Variants in TSPOAP1 observed in about 807,000 individuals in gnomAD.
TSPOAP1 encodes the protein peripheral-type benzodiazepine receptor-associated protein 1.
TSPOAP1 carries 87 observed loss-of-function variants against 197.0 expected under a neutral mutation model. The observed-to-expected ratio is 0.44, with a 90% CI of 0.37 to 0.53. The LOEUF (loss-of-function observed/expected upper bound fraction) is 0.53. Ranked by LOEUF, TSPOAP1 falls within the 20% of genes least tolerant of loss-of-function variation. The pLI, the probability that TSPOAP1 is intolerant of heterozygous loss-of-function variation, is 0.00. For synonymous variants in TSPOAP1, 913 were observed against 998.9 expected (o/e 0.91, Z 1.62); for missense variants, 2,174 against 2,411.3 (o/e 0.90, Z 2.06).
intron 14 of TSPOAP1, 59 bp from the exon 15 acceptor site, chr17:58,316,599 G>A (rs1971244310): frequency 7.0e-7 from 1 of 1,427,912 alleles, no homozygotes; most frequent in African/African-American, 1.4e-5. Flanking sequence ...GCGCCAAGCA[G>A]GCAGGTTTCC....
Position 58,324,904 on chromosome 17 carries a change from G to T in TSPOAP1, c.849C>A (p.Asn283Lys), listed in dbSNP as rs775678168. The change falls in exon 5 of 32, where the codon AAC (asparagine) becomes AAA (lysine). Residue 283 changes from asparagine (N) to lysine (K), a missense_variant. By Grantham distance (94) the Asn-to-Lys change is moderately conservative. Coordinates refer to ENST00000343736, the MANE Select transcript of TSPOAP1 (RefSeq NM_004758.4). The surrounding 1 kb of genome is among the most constrained non-coding windows in gnomAD (Gnocchi z 5.8). ...LRLQRQIALR[N>K]QRETLPLPPS... is the part of the protein sequence containing the mutation. ...GCGGGAGCGGGAGCGTCTCCCGCTGGTTGCGCAGCGCGATCTGCCTCTGCA... is the reference window on the plus strand; with the variant it reads ...GCGGGAGCGGGAGCGTCTCCCGCTGTTTGCGCAGCGCGATCTGCCTCTGCA... 6.5e-7 allele frequency: 1 copy of T among 1,535,584 alleles called. No individual in the cohort carries two copies. Among genetic ancestry groups the T allele is most frequent in the South Asian group, 1.2e-5 (1 of 83,852 alleles).
In TSPOAP1 at chr17:58,310,088, A is replaced by T. The variant is rs1353169410; in HGVS notation, c.3770T>A (p.Leu1257Gln). 2 of 1,613,258 alleles carry T rather than the reference A, an allele frequency of 1.2e-6. No individual in the cohort carries two copies. Among genetic ancestry groups the T allele is most frequent in the African/African-American group, 2.7e-5 (2 of 74,888 alleles). Residue 1257 changes from leucine to glutamine, a missense_variant, in exon 21 of 32, where the codon CTG (leucine) becomes CAG (glutamine). By Grantham distance (113) the Leu-to-Gln change is moderately radical. This residue lies in a region of TSPOAP1 where 1,933 missense variants were observed against 2,139.0 expected (regional missense o/e 0.90). Transcript: ENST00000343736. The part of the protein sequence containing the change: ...SLVDHGRNSD[L>Q]SDIQEEEEEE... Reference sequence around the variant, plus strand: ...TTCCTCTTCCTCCTGGATGTCTGACAGGTCTGAGTTGCGGCCGTGGTCCAC... The same window carrying T: ...TTCCTCTTCCTCCTGGATGTCTGACTGGTCTGAGTTGCGGCCGTGGTCCAC...
intron 16 of TSPOAP1, among the ~76,000 whole-genome samples, chr17:58,315,808 C>T (rs1971208092): frequency 6.6e-6 from 1 of 152,098 alleles, no homozygotes; most frequent in Non-Finnish European, 1.5e-5. Flanking sequence ...CCTTCTTTCT[C>T]TTTCCCCAGT....
In TSPOAP1 at chr17:58,311,577, C is replaced by T. The variant is rs774788577; in HGVS notation, c.3075G>A (p.Gly1025=). 13 of 1,576,460 alleles carry T rather than the reference C, an allele frequency of 8.2e-6. No homozygotes were observed. The highest frequency in any genetic ancestry group is 1.1e-5 in the Non-Finnish European group (13 of 1,157,238). Residue 1025 remains glycine (G), a synonymous_variant, in exon 18 of 32, where the codon GGG becomes GGA. Coordinates refer to ENST00000343736, the MANE Select transcript of TSPOAP1 (RefSeq NM_004758.4). ...RVTGYAIYAD[G]QKIMEVASPT... ...ACAGTGGGCAGGGCTATACCTTCTG[C>T]CCATCAGCGTAGATGGCATAGCCTG...
At chr17:58,305,925 T>A (rs1359925736) in intron 26 of TSPOAP1, 60 bp from the exon 27 acceptor site, 2 of 1,343,374 alleles carry the variant, frequency 1.5e-6, no homozygotes, top group Admixed American at 1.9e-5. Context: ...CTGCAGGTGC[T>A]GCAGCGCAGG....
rs1970744229 is a variant in TSPOAP1, at chr17:58,302,396, T to C, written c.*84A>G. 7.8e-7 allele frequency: 1 copy of C among 1,286,498 alleles called. No homozygotes were observed. The highest frequency in any genetic ancestry group is 1.0e-6 in the Non-Finnish European group (1 of 987,634). The allele number at this position is 1,286,498 out of a possible 1,614,324, so 79.7% of individuals were successfully genotyped here. ...CTGGGGGCGCTGCCAGAGCTGGGGG[T>C]ACAAGGCCCACCTGGGGGCCCTGGG... On this transcript the variant is annotated 3_prime_UTR_variant, in exon 32 of 32. Transcript: ENST00000343736.
intron 16 of TSPOAP1, among the ~76,000 whole-genome samples, chr17:58,314,600 G>A (rs889034947): frequency 6.6e-6 from 1 of 152,252 alleles, no homozygotes; most frequent in Admixed American, 6.5e-5. Context: ...GAGCCCCCAA[G>A]GGGATGCAGT....
At position 58,305,814 on chromosome 17, in the gene TSPOAP1, C is replaced by T. The variant is rs1970867101; in HGVS notation, c.5257+19G>A. 2 of 1,612,662 alleles carry T rather than the reference C, an allele frequency of 1.2e-6. No homozygotes were observed. The highest frequency in any genetic ancestry group is 2.2e-5 in the East Asian group (1 of 44,852). On this transcript the variant is annotated intron_variant, in intron 27 of 31. Transcript: ENST00000343736. Reference sequence around the variant, plus strand: ...CTATCTCCTTCCCCAGCCTCCCGGGCCCAGGGATATTCCTTCACCTGGACA... The same window carrying T: ...CTATCTCCTTCCCCAGCCTCCCGGGTCCAGGGATATTCCTTCACCTGGACA...
chr17:58,309,704 C>G lies in TSPOAP1; in HGVS notation c.3891+263G>C, dbSNP rs1247915259. On this transcript the variant is annotated intron_variant, in intron 21 of 31. Coordinates refer to ENST00000343736, the MANE Select transcript of TSPOAP1 (RefSeq NM_004758.4). This position sits in a 1 kb window ranked among gnomAD's most constrained non-coding sequence, Gnocchi z 5.0. ...ACCAGCACAAGGATCTTAGGTGGCA[C>G]CGGCCTCCCCTGGCCAGGGCGCTGT... Among the ~76,000 whole-genome samples, 1 of 152,194 alleles carries G rather than the reference C, an allele frequency of 6.6e-6. No homozygotes were observed. Among genetic ancestry groups the G allele is most frequent in the African/African-American group, 2.4e-5 (1 of 41,446 alleles).
At position 58,326,322 on chromosome 17, in the gene TSPOAP1, G is replaced by A; in HGVS notation, c.541C>T (p.Arg181Ter). The A allele has an allele frequency of 1.2e-6, 2 of 1,614,044 alleles. No homozygotes were observed. Among genetic ancestry groups the A allele is most frequent in the Non-Finnish European group, 1.7e-6 (2 of 1,180,012 alleles). The change falls in exon 3 of 32, where the codon CGA becomes TGA. Residue 181 changes from arginine (R) to a stop codon, truncating the protein, a stop_gained. Coordinates refer to ENST00000343736, the MANE Select transcript of TSPOAP1 (RefSeq NM_004758.4). LOFTEE classifies it high-confidence loss of function. The surrounding 1 kb of genome is among the most constrained non-coding windows in gnomAD (Gnocchi z 4.7). ...VIAKRLEERA[R>*]KLQETNLRVV... ...CTCAGGTTCGTTTCCTGCAGCTTTCGGGCCCTCTCCTCCAGGCGCTTGGCA... is the reference window on the plus strand; with the variant it reads ...CTCAGGTTCGTTTCCTGCAGCTTTCAGGCCCTCTCCTCCAGGCGCTTGGCA...
At position 58,308,534 on chromosome 17, in the gene TSPOAP1, C is replaced by T. The variant is rs756363885; in HGVS notation, c.4731+7G>A. 2 of 1,515,324 alleles carry T rather than the reference C, an allele frequency of 1.3e-6. No homozygotes were observed. The highest frequency in any genetic ancestry group is 2.3e-5 in the East Asian group (1 of 43,514). 93.9% of individuals were successfully genotyped at this position (1,515,324 alleles called of 1,614,324 possible). A position where few individuals can be genotyped will look rare whatever the true frequency, so the allele number is the denominator to read the frequency against. Reference sequence around the variant, plus strand: ...GGGGCTGCCCAGGGCGGGGAGTGAGCACGGACCCGGGAGAGTGGCTCCTTG... The same window carrying T: ...GGGGCTGCCCAGGGCGGGGAGTGAGTACGGACCCGGGAGAGTGGCTCCTTG... On this transcript the variant is annotated splice_region_variant and intron_variant, in intron 22 of 31. Transcript: ENST00000343736.
Position 58,318,430 on chromosome 17 carries a change from G to A in TSPOAP1, c.1722C>T (p.Ser574=). Residue 574 remains serine (S), a synonymous_variant, in exon 14 of 32, where the codon TCC becomes TCT. Transcript: ENST00000343736. ...GPKDLDLPPG[S]PGRCTPKSSE... is the part of the protein sequence containing the mutation. ...AAGACTTTGGGGTGCAGCGCCCAGG[G>A]GAGCCCGGCGGGAGGTCAAGGTCTA... 6.2e-7 allele frequency: 1 copy of A among 1,613,588 alleles called. No individual in the cohort carries two copies. The highest frequency in any genetic ancestry group is 1.3e-5 in the African/African-American group (1 of 75,024).
In TSPOAP1 at chr17:58,324,605, C is replaced by A. The variant is rs1971514192; in HGVS notation, c.942+206G>T. ...CCTATGGAGGGCGGAACCCTGGAGC[C>A]CCCAGGGGAGGGCACGGCGCAGGTA... On this transcript the variant is annotated intron_variant, in intron 5 of 31. Transcript: ENST00000343736. The surrounding 1 kb of genome is among the most constrained non-coding windows in gnomAD (Gnocchi z 5.8). 6.6e-6 allele frequency among the ~76,000 whole-genome samples: 1 copy of A among 152,042 alleles called. No homozygotes were observed. Among genetic ancestry groups the A allele is most frequent in the Admixed American group, 6.5e-5 (1 of 15,286 alleles).
Position 58,327,701 on chromosome 17 carries a change from C to T in TSPOAP1, c.220G>A (p.Gly74Arg). ...KGDGSSRPVG[G>R]TDPEGAEACL... ...GCCTCTGCTCCTTCAGGGTCAGTTC[C>T]CCCCACGGGCCTGGAGCTCCCGTCT... The change falls in exon 1 of 32, where the codon GGA becomes AGA. Residue 74 changes from glycine (G) to arginine (R), a missense_variant. By Grantham distance (125) the Gly-to-Arg change is moderately radical. This residue lies in a region of TSPOAP1 where 1,933 missense variants were observed against 2,139.0 expected (regional missense o/e 0.90). Coordinates refer to ENST00000343736, the MANE Select transcript of TSPOAP1 (RefSeq NM_004758.4). The T allele has an allele frequency of 1.2e-6, 2 of 1,614,092 alleles. No homozygotes were observed. Among genetic ancestry groups the T allele is most frequent in the Non-Finnish European group, 1.7e-6 (2 of 1,180,036 alleles).
rs1970990296 is a variant in TSPOAP1 at position 58,308,836 on chromosome 17, CCA to C, written c.4434_4435del (p.Gly1479ProfsTer21). 1 of 1,611,456 alleles carries C rather than the reference CCA, an allele frequency of 6.2e-7. No homozygotes were observed. The highest frequency in any genetic ancestry group is 8.5e-7 in the Non-Finnish European group (1 of 1,179,082). On this transcript the variant is annotated frameshift_variant, in exon 22 of 32. Coordinates refer to ENST00000343736, the MANE Select transcript of TSPOAP1 (RefSeq NM_004758.4). LOFTEE classifies it high-confidence loss of function. The stretch of plus-strand genomic sequence containing the variant: ...GGCCAGGCCAGGCTCCAGCGCCCGG[CCA>C]CGGGAGCACCTCCGGGAAGGGCCCA...
At position 58,311,223 on chromosome 17, in the gene TSPOAP1, G is replaced by A. The variant is rs370073621; in HGVS notation, c.3082-10C>T. On this transcript the variant is annotated splice_polypyrimidine_tract_variant and intron_variant, in intron 18 of 31. Coordinates refer to ENST00000343736, the MANE Select transcript of TSPOAP1 (RefSeq NM_004758.4). The stretch of plus-strand genomic sequence containing the variant: ...AGGCCACCTCCATGATCTGCAGGGT[G>A]GAGGGGGCACAGGATGGGAAGCAGA... The A allele has an allele frequency of 2.5e-6, 4 of 1,609,756 alleles. No individual in the cohort carries two copies. In the African/African-American group the frequency reaches 5.3e-5, roughly 21 times the overall value.
chr17:58,308,933 G>T lies in TSPOAP1; in HGVS notation c.4339C>A (p.Arg1447=). 1 of 1,601,094 alleles carries T rather than the reference G, an allele frequency of 6.2e-7. No individual in the cohort carries two copies. Residue 1447 remains arginine (R), a synonymous_variant, in exon 22 of 32, where the codon CGG becomes AGG. Coordinates refer to ENST00000343736, the MANE Select transcript of TSPOAP1 (RefSeq NM_004758.4). ...ATTACGGGGAGGCCACCCCTCTCCC[G>T]TGTGGGGCCCAGTCGTCCAGAGGCC... ...PQASGRLGPT[R]ERGGLPVIEG... is the part of the protein sequence containing the mutation.
In TSPOAP1 at chr17:58,307,611, C is replaced by T; in HGVS notation, c.4983G>A (p.Lys1661=). Residue 1661 remains lysine, a splice_region_variant and synonymous_variant, in exon 24 of 32, where the codon AAG becomes AAA. Transcript: ENST00000343736. ...ELPFREGQIL[K]VFGDKDADGF... is the part of the protein sequence containing the mutation. Reference sequence around the variant, plus strand: ...TGAGCCCTGATGGCGAATCAGTCACCTTCAGGATCTGACCCTCTCGGAAGG... The same window carrying T: ...TGAGCCCTGATGGCGAATCAGTCACTTTCAGGATCTGACCCTCTCGGAAGG... The T allele has an allele frequency of 6.2e-7, 1 of 1,613,698 alleles. No individual in the cohort carries two copies. Among genetic ancestry groups the T allele is most frequent in the Non-Finnish European group, 8.5e-7 (1 of 1,179,918 alleles).
chr17:58,326,794 G>A lies in TSPOAP1; in HGVS notation c.334-4C>T, dbSNP rs750171017. The A allele has an allele frequency of 6.2e-7, 1 of 1,613,774 alleles. No homozygotes were observed. The highest frequency in any genetic ancestry group is 1.7e-5 in the Admixed American group (1 of 60,006). On this transcript the variant is annotated splice_region_variant and splice_polypyrimidine_tract_variant and intron_variant, in intron 1 of 31. Coordinates refer to ENST00000343736, the MANE Select transcript of TSPOAP1 (RefSeq NM_004758.4). This position sits in a 1 kb window ranked among gnomAD's most constrained non-coding sequence, Gnocchi z 4.7. ...CAAAGCTCATATTCAGCTTGGCCTG[G>A]CATGGGAAAGGACCGAGGACAGCAC...
Sources: gnomAD v4.1 joint callset for allele counts (sites outside exome capture counted in the v4.1 genomes callset) on GRCh38, gnomAD v4.1.1 for gene constraint, gnomAD v4.1.1 regional missense constraint, Gnocchi (gnomAD v3.1) non-coding constraint, MANE v1.5 for transcripts, NCBI Gene and HGNC (gene_info 2026-07-23, HGNC 2026-07-21) for gene names.